The following GRID2 variants were observed in gnomAD, a reference collection of about 807,000 sequenced individuals.
GRID2 encodes glutamate ionotropic receptor delta type subunit 2.
GRID2 carries 33 observed loss-of-function variants against 114.8 expected under a neutral mutation model. The ratio of observed to expected loss-of-function variants is 0.29; its 90% confidence interval spans 0.22 to 0.38. The LOEUF is 0.38. Ranked by LOEUF, GRID2 falls within the 10% of genes least tolerant of loss-of-function variation. The pLI is 1.00. For synonymous variants in GRID2, 505 were observed against 449.9 expected (o/e 1.12, Z -1.55); for missense variants, 1,184 against 1,257.7 (o/e 0.94, Z 0.89).
At chr4:92,942,906 C>A (rs1460790821) in intron 2 of GRID2, among the ~76,000 whole-genome samples, 1 of 152,204 alleles carries the variant, frequency 6.6e-6, no homozygotes, top group Non-Finnish European at 1.5e-5. Flanking sequence ...CCCCCACTCT[C>A]TTCTGGCTTG....
intron 13 of GRID2, among the ~76,000 whole-genome samples, chr4:93,590,786 G>A (rs1219668959): frequency 6.6e-6 from 1 of 151,232 alleles, no homozygotes; most frequent in Admixed American, 6.6e-5. Flanking sequence ...TTGTAAGTTG[G>A]ATTCCTAGGT....
chr4:93,269,010 A>G (rs911141443), intron 8 of GRID2, among the ~76,000 whole-genome samples: 1 of 152,288 alleles, frequency 6.6e-6, no homozygotes, highest in South Asian at 2.1e-4. Flanking sequence ...GACTGAATCT[A>G]TTTCCTGAAA....
chr4:93,526,538 T>A (rs1578191426), intron 13 of GRID2, among the ~76,000 whole-genome samples: 1 of 152,186 alleles, frequency 6.6e-6, no homozygotes, highest in African/African-American at 2.4e-5. Flanking sequence ...GGCCGGGCGC[T>A]GTGGCTCACG....
intron 4 of GRID2, among the ~76,000 whole-genome samples, chr4:93,163,670 C>T (rs1002128410): frequency 1.3e-5 from 2 of 150,928 alleles, no homozygotes; most frequent in Admixed American, 6.6e-5. Flanking sequence ...GATGGGCTGT[C>T]ATTAAATATT....
At chr4:93,743,853 G>A (rs1389070041) in intron 14 of GRID2, among the ~76,000 whole-genome samples, 2 of 152,196 alleles carry the variant, frequency 1.3e-5, no homozygotes, top group East Asian at 3.9e-4. Flanking sequence ...GGAAGATGCT[G>A]TCTATCACTT....
intron 13 of GRID2, among the ~76,000 whole-genome samples, chr4:93,591,052 T>C (rs1738227267): frequency 6.7e-6 from 1 of 149,910 alleles, no homozygotes; most frequent in African/African-American, 2.5e-5. Flanking sequence ...TTTATTTCCT[T>C]CTCCTGCCTA....
intron 14 of GRID2, among the ~76,000 whole-genome samples, chr4:93,631,948 G>A (rs910970196): frequency 3.3e-5 from 5 of 152,122 alleles, no homozygotes; most frequent in African/African-American, 1.2e-4. Flanking sequence ...GTTTTGATTT[G>A]CATTTCTCTG....
At chr4:93,273,370 A>G (rs1048583684) in intron 8 of GRID2, among the ~76,000 whole-genome samples, 1 of 152,212 alleles carries the variant, frequency 6.6e-6, no homozygotes, top group Non-Finnish European at 1.5e-5. Flanking sequence ...ATTTTTAAAA[A>G]GAAAAATTAT....
At chr4:92,658,420 G>GA (rs2149267135) in intron 2 of GRID2, among the ~76,000 whole-genome samples, 1 of 151,844 alleles carries the variant, frequency 6.6e-6, no homozygotes, top group South Asian at 2.1e-4. Context: ...AGTGAAGCAA[G>GA]AAAAAAGGAT....
rs543092866 is a variant in GRID2 at position 92,947,694 on chromosome 4, T to C, written c.245-137301T>C. On this transcript the variant is annotated intron_variant, in intron 2 of 15. Transcript: ENST00000282020. ...TTCAAATAGTCTTCAGAGGTGTATA[T>C]GGGTTGTGTGTGTGCGTGTATATGT... Among the ~76,000 whole-genome samples, 21 of 151,914 alleles carry C rather than the reference T, an allele frequency of 1.4e-4. 1 individual carries two copies. The South Asian group carries it at 4.2e-3, about 30-fold the overall frequency.
chr4:92,614,356 G>C (rs1438658951), intron 2 of GRID2, among the ~76,000 whole-genome samples: 1 of 151,378 alleles, frequency 6.6e-6, no homozygotes, highest in Non-Finnish European at 1.5e-5. Flanking sequence ...CAATAAAGTC[G>C]TTTAAAGCCA....
At chr4:92,792,491 ACACACACACACACT>A (rs1035113323) in intron 2 of GRID2, among the ~76,000 whole-genome samples, 5 of 150,536 alleles carry the variant, frequency 3.3e-5, no homozygotes, top group African/African-American at 1.2e-4. Flanking sequence ...ACACACACAC[ACACACACACACACT>A]GTCACTCTCT....
chr4:93,465,664 G>A (rs1467984599), intron 11 of GRID2, among the ~76,000 whole-genome samples: 1 of 152,114 alleles, frequency 6.6e-6, no homozygotes, highest in African/African-American at 2.4e-5. Flanking sequence ...AAAGGCCACG[G>A]CAAGAGATAG....
chr4:92,578,076 T>TACA (rs1727986652), intron 1 of GRID2, among the ~76,000 whole-genome samples: 6 of 57,458 alleles, frequency 1.0e-4, no homozygotes, highest in African/African-American at 2.4e-4. Flanking sequence ...TTCTTCTTCT[T>TACA]CTTCTTCTTC....
At chr4:92,662,841 T>A (rs1732585955) in intron 2 of GRID2, among the ~76,000 whole-genome samples, 1 of 151,130 alleles carries the variant, frequency 6.6e-6, no homozygotes, top group Non-Finnish European at 1.5e-5. Context: ...GGTTTCTGAT[T>A]ATAAAAGAAT....
At chr4:93,614,070 AT>A (rs1741306137) in intron 13 of GRID2, among the ~76,000 whole-genome samples, 1 of 151,700 alleles carries the variant, frequency 6.6e-6, no homozygotes, top group Admixed American at 6.6e-5. Flanking sequence ...GAGTGACCCG[AT>A]TTTCCAGGTG....
intron 1 of GRID2, among the ~76,000 whole-genome samples, chr4:92,402,455 A>T (rs974227848): frequency 1.3e-5 from 2 of 152,164 alleles, no homozygotes; most frequent in Non-Finnish European, 2.9e-5. Flanking sequence ...GAAAGTTTGT[A>T]TTACTATTTG....
intron 2 of GRID2, among the ~76,000 whole-genome samples, chr4:92,733,014 G>A (rs780787076): frequency 2.0e-5 from 3 of 151,994 alleles, no homozygotes; most frequent in Non-Finnish European, 4.4e-5. Flanking sequence ...AACAGAAACA[G>A]ATACCCACAA....
chr4:93,733,361 A>G (rs1730654258), intron 14 of GRID2, among the ~76,000 whole-genome samples: 1 of 152,132 alleles, frequency 6.6e-6, no homozygotes. Flanking sequence ...GCTCTTAGAC[A>G]CTCAAAAGTG....
Sources: allele counts gnomAD v4.1 joint callset (sites outside exome capture counted in the v4.1 genomes callset), GRCh38; gene constraint gnomAD v4.1.1; transcripts MANE v1.5; gene names NCBI Gene and HGNC (gene_info 2026-07-23, HGNC 2026-07-21).